The following UGT2A3 variants were observed in gnomAD, a reference collection of about 807,000 sequenced individuals.
UGT2A3 encodes the protein UDP glucuronosyltransferase family 2 member A3.
A neutral mutation model predicts 44.1 loss-of-function variants in UGT2A3; 55 were observed. That is an observed-to-expected ratio of 1.25 (90% CI 1.00 to 1.56). The LOEUF is 1.56. Among genes scored for constraint, UGT2A3 ranks in the 40% most tolerant of loss-of-function variants. The probability of loss-of-function intolerance (pLI) is 0.00; values close to 1 mark genes in which losing one functional copy is unlikely to be tolerated. For missense variants in UGT2A3, 733 were observed against 621.6 expected, an observed-to-expected ratio of 1.18 and a Z score of -1.91; for synonymous variants, 243 against 215.1, an observed-to-expected ratio of 1.13 and a Z score of -1.13.
At chr4:68,942,149 G>C (rs1416635425) in intron 2 of UGT2A3, among the ~76,000 whole-genome samples, 1 of 151,416 alleles carries the variant, frequency 6.6e-6, no homozygotes, top group East Asian at 2.0e-4. Flanking sequence ...AATAAACTAA[G>C]AAGTCATAGA....
chr4:68,942,504 G>GATATATATATATAT lies in UGT2A3; in HGVS notation c.864+2788_864+2801dup, dbSNP rs34118122. Among the ~76,000 whole-genome samples, 831 of 130,470 alleles carry GATATATATATATAT rather than the reference G, an allele frequency of 6.4e-3. 3 individuals carry two copies. The highest frequency in any genetic ancestry group is 9.1e-3 in the Non-Finnish European group (582 of 63,668). 85.6% of individuals were successfully genotyped at this position (130,470 alleles called of 152,430 possible). ...TATAGCTCAATAGCATTCCACTGGA[G>GATATATATATATAT]ATATATATATATATATATATATATA... On this transcript the variant is annotated intron_variant, in intron 2 of 5. Coordinates refer to ENST00000251566, the MANE Select transcript of UGT2A3 (RefSeq NM_024743.4).
At chr4:68,949,026 G>A (rs1193308986) in intron 1 of UGT2A3, among the ~76,000 whole-genome samples, 1 of 151,704 alleles carries the variant, frequency 6.6e-6, no homozygotes, top group Non-Finnish European at 1.5e-5. Flanking sequence ...GATGTTCCTG[G>A]CTCTTTTTAA....
At chr4:68,938,389 G>T (rs1281870477) in intron 2 of UGT2A3, among the ~76,000 whole-genome samples, 1 of 152,028 alleles carries the variant, frequency 6.6e-6, no homozygotes, top group Non-Finnish European at 1.5e-5. Context: ...CCGGAGGCAA[G>T]TCTGGTTCAA....
Position 68,930,748 on chromosome 4 carries a change from C to G in UGT2A3, c.1102G>C (p.Ala368Pro), listed in dbSNP as rs1717704946. The change falls in exon 5 of 6, where the codon GCT (alanine) becomes CCT (proline). Residue 368 changes from alanine to proline, a missense_variant. Ala to Pro is a conservative substitution (Grantham distance 27, BLOSUM62 -1). Transcript: ENST00000251566. ...NDLLGHPKTK[A>P]FITHGGMNGI... ...TTCATTCCACCATGAGTGATAAAAG[C>G]TTTGGTTTTGGGATGACCTAGTATG... 2.5e-6 allele frequency: 4 copies of G among 1,598,862 alleles called. No individual in the cohort carries two copies. Among genetic ancestry groups the G allele is most frequent in the Admixed American group, 1.8e-5 (1 of 56,614 alleles).
rs1393300230 is a variant in UGT2A3, at chr4:68,928,611, A to C, written c.*1202T>G. On this transcript the variant is annotated 3_prime_UTR_variant, in exon 6 of 6. Transcript: ENST00000251566. ...CTGTAAGAATTTCAAAATTTTCAAA[A>C]AGCCAGATGAGCCAATTTATTTATT... 2 of 152,018 alleles carry C rather than the reference A, an allele frequency of 1.3e-5. No homozygotes were observed. Among genetic ancestry groups the C allele is most frequent in the Non-Finnish European group, 2.9e-5 (2 of 67,964 alleles). 9.4% of individuals were successfully genotyped at this position (152,018 alleles called of 1,614,324 possible).
chr4:68,946,432 G>A (rs1232675354), intron 1 of UGT2A3, among the ~76,000 whole-genome samples: 1 of 151,520 alleles, frequency 6.6e-6, no homozygotes, highest in East Asian at 2.0e-4. Flanking sequence ...AAATTTTACT[G>A]AAGATACTCA....
At chr4:68,936,888 CAAAA>C (rs56737078) in intron 2 of UGT2A3, among the ~76,000 whole-genome samples, 3 of 46,336 alleles carry the variant, frequency 6.5e-5, no homozygotes, top group Admixed American at 3.3e-4. Context: ...AAATGGAAAG[CAAAA>C]AAAAAAAAAA....
At chr4:68,941,976 A>T (rs1249784779) in intron 2 of UGT2A3, among the ~76,000 whole-genome samples, 28 of 151,856 alleles carry the variant, frequency 1.8e-4, no homozygotes, top group Non-Finnish European at 1.3e-4. Context: ...AAAGGCAAAA[A>T]TAACAAGTGC....
intron 2 of UGT2A3, among the ~76,000 whole-genome samples, chr4:68,941,310 G>A (rs2168841): frequency 0.73 from 110,758 of 151,650 alleles, 42,060 homozygotes; most frequent in Non-Finnish European, 0.86. Flanking sequence ...AGTCTCATGT[G>A]TTCCTCTATA....
intron 2 of UGT2A3, among the ~76,000 whole-genome samples, chr4:68,939,027 C>T (rs1431069337): frequency 6.6e-6 from 1 of 152,020 alleles, no homozygotes; most frequent in Admixed American, 6.6e-5. Flanking sequence ...TACTACAAAC[C>T]ACTGCTCAAT....
chr4:68,940,042 G>A (rs1188144963), intron 2 of UGT2A3, among the ~76,000 whole-genome samples: 2 of 152,086 alleles, frequency 1.3e-5, no homozygotes, highest in African/African-American at 4.8e-5. Flanking sequence ...AAAAAGTCAG[G>A]AAACAACAGA....
At chr4:68,933,420 G>C (rs1251563651) in intron 2 of UGT2A3, among the ~76,000 whole-genome samples, 1 of 152,034 alleles carries the variant, frequency 6.6e-6, no homozygotes, top group Non-Finnish European at 1.5e-5. Context: ...ATCATTGTGA[G>C]AAGCCTTCTA....
chr4:68,941,093 C>T (rs1286999185), intron 2 of UGT2A3, among the ~76,000 whole-genome samples: 1 of 151,610 alleles, frequency 6.6e-6, no homozygotes, highest in Non-Finnish European at 1.5e-5. Flanking sequence ...AGTTGTTTTA[C>T]AAAACCTGGC....
chr4:68,940,120 C>T (rs546915683), intron 2 of UGT2A3, among the ~76,000 whole-genome samples: 1 of 152,196 alleles, frequency 6.6e-6, no homozygotes, highest in African/African-American at 2.4e-5. Context: ...TTAGTTCAAC[C>T]ATTGTGGAAG....
chr4:68,932,795 A>G (rs777527102), intron 2 of UGT2A3, 36 bp from the exon 3 acceptor site: 15 of 1,566,626 alleles, frequency 9.6e-6, no homozygotes, highest in Admixed American at 6.1e-5. Flanking sequence ...ACAGAGGCAT[A>G]ATATAACAAA....
chr4:68,950,611 G>A (rs913346643), intron 1 of UGT2A3, among the ~76,000 whole-genome samples: 1 of 151,782 alleles, frequency 6.6e-6, no homozygotes, highest in East Asian at 2.0e-4. Flanking sequence ...AATCACCTAA[G>A]AAATTAAAGA....
rs1717617834 is a variant in UGT2A3 at position 68,928,977 on chromosome 4, T to A, written c.*836A>T. On this transcript the variant is annotated 3_prime_UTR_variant, in exon 6 of 6. Coordinates refer to ENST00000251566, the MANE Select transcript of UGT2A3 (RefSeq NM_024743.4). ...AAGAATTATGAGTATTCATCATTTT[T>A]AAAGAATAAACATATAAATCTTCTT... is the stretch of plus-strand genomic sequence containing the variant. 1 of 152,118 alleles carries A rather than the reference T, an allele frequency of 6.6e-6. No individual in the cohort carries two copies. The highest frequency in any genetic ancestry group is 1.5e-5 in the Non-Finnish European group (1 of 67,988). The allele number at this position is 152,118 out of a possible 1,614,324, so 9.4% of individuals were successfully genotyped here.
At position 68,951,595 on chromosome 4, in the gene UGT2A3, A is replaced by G. The variant is rs1009220211; in HGVS notation, c.166T>C (p.Leu56=). ...LIVRGHEVTV[L]THSKPSLIDY... ...ATTAACGAAGGCTTTGAGTGAGTCA[A>G]TACTGTTACCTCATGGCCTCTCACT... Residue 56 remains leucine (L), a synonymous_variant, in exon 1 of 6, where the codon TTG becomes CTG. Transcript: ENST00000251566. 1.1e-5 allele frequency: 17 copies of G among 1,612,884 alleles called. 1 individual carries two copies. Among genetic ancestry groups the G allele is most frequent in the Admixed American group, 8.4e-5 (5 of 59,824 alleles).
chr4:68,945,465 G>A lies in UGT2A3; in HGVS notation c.716-11C>T. 4 of 1,579,982 alleles carry A rather than the reference G, an allele frequency of 2.5e-6. No homozygotes were observed. The highest frequency in any genetic ancestry group is 2.3e-5 in the East Asian group (1 of 43,924). On this transcript the variant is annotated splice_polypyrimidine_tract_variant and intron_variant, in intron 1 of 5. Coordinates refer to ENST00000251566, the MANE Select transcript of UGT2A3 (RefSeq NM_024743.4). ...ATGTAGTGGGCCTTCCTCAATAAAA[G>A]AAATAACAGAATGAATTAGCATACA...
Sources: gnomAD v4.1 joint callset for allele counts (sites outside exome capture counted in the v4.1 genomes callset) on GRCh38, gnomAD v4.1.1 for gene constraint, MANE v1.5 for transcripts, NCBI Gene and HGNC (gene_info 2026-07-23, HGNC 2026-07-21) for gene names.